Variants in DYNC1I1 observed in about 807,000 individuals in gnomAD.
DYNC1I1 encodes the protein dynein cytoplasmic 1 intermediate chain 1.
A neutral mutation model predicts 86.6 loss-of-function variants in DYNC1I1; 43 were observed. The ratio of observed to expected loss-of-function variants is 0.50; its 90% CI spans 0.39 to 0.64. The LOEUF is 0.64. Ranked by LOEUF, DYNC1I1 falls within the 30% of genes least tolerant of loss-of-function variation. The probability of loss-of-function intolerance (pLI) is 0.00; values close to 1 mark genes in which losing one functional copy is unlikely to be tolerated. For synonymous variants in DYNC1I1, 262 were observed against 283.7 expected (o/e 0.92, Z 0.77); for missense variants, 604 against 788.8 (o/e 0.77, Z 2.81).
At chr7:95,899,245 T>C (rs1004672572) in intron 6 of DYNC1I1, among the ~76,000 whole-genome samples, 3 of 152,194 alleles carry the variant, frequency 2.0e-5, no homozygotes. Context: ...AGGGACCATG[T>C]TACATCTGGA....
At chr7:95,997,219 A>AT (rs1029539893) in intron 10 of DYNC1I1, among the ~76,000 whole-genome samples, 2 of 151,064 alleles carry the variant, frequency 1.3e-5, no homozygotes, top group South Asian at 2.1e-4. Context: ...TTTTTCTTTT[A>AT]TTTTTTTTAA....
chr7:95,900,173 C>T (rs1312395807), intron 6 of DYNC1I1, among the ~76,000 whole-genome samples: 1 of 152,160 alleles, frequency 6.6e-6, no homozygotes, highest in African/African-American at 2.4e-5. Context: ...TTCAACACTG[C>T]TCCATAGCCT....
At chr7:95,870,980 G>A (rs1436781387) in intron 6 of DYNC1I1, among the ~76,000 whole-genome samples, 4 of 152,102 alleles carry the variant, frequency 2.6e-5, no homozygotes, top group Non-Finnish European at 5.9e-5. Context: ...TTGCTATGTA[G>A]TAAGTATGGA....
intron 6 of DYNC1I1, among the ~76,000 whole-genome samples, chr7:95,907,796 G>GAA (rs1336703317): frequency 4.4e-4 from 65 of 148,158 alleles, no homozygotes; most frequent in Non-Finnish European, 5.0e-4. Flanking sequence ...TTTGGTCTCA[G>GAA]AATATATATA....
At chr7:96,019,454 A>G (rs1794486494) in intron 10 of DYNC1I1, among the ~76,000 whole-genome samples, 1 of 151,994 alleles carries the variant, frequency 6.6e-6, no homozygotes, top group Admixed American at 6.6e-5. Context: ...GCAAAATACT[A>G]ATGCCCCAGT....
intron 6 of DYNC1I1, among the ~76,000 whole-genome samples, chr7:95,936,954 T>C (rs1396766618): frequency 6.2e-5 from 2 of 32,504 alleles, no homozygotes; most frequent in Non-Finnish European, 1.6e-4. Context: ...AAAGAATATG[T>C]CTCACACACA....
At chr7:95,986,841 G>T (rs1169380638) in intron 8 of DYNC1I1, among the ~76,000 whole-genome samples, 1 of 151,906 alleles carries the variant, frequency 6.6e-6, no homozygotes, top group Non-Finnish European at 1.5e-5. Flanking sequence ...AACAGTCTTG[G>T]AACGACATGG....
chr7:96,008,115 A>G (rs1364748073), intron 10 of DYNC1I1, among the ~76,000 whole-genome samples: 1 of 152,218 alleles, frequency 6.6e-6, no homozygotes, highest in African/African-American at 2.4e-5. Flanking sequence ...TATTCTTAAC[A>G]TATGTTTAAT....
chr7:95,923,549 A>G (rs2116385346), intron 6 of DYNC1I1, among the ~76,000 whole-genome samples: 1 of 152,240 alleles, frequency 6.6e-6, no homozygotes, highest in East Asian at 1.9e-4. Context: ...AATGTAAGGT[A>G]CTATCCACAC....
chr7:95,862,019 C>T (rs1789895443), intron 5 of DYNC1I1, among the ~76,000 whole-genome samples: 1 of 152,094 alleles, frequency 6.6e-6, no homozygotes, highest in African/African-American at 2.4e-5. Context: ...AAGTTGGACC[C>T]CTACCTCACA....
chr7:95,926,083 A>C (rs990985619), intron 6 of DYNC1I1, among the ~76,000 whole-genome samples: 10 of 152,182 alleles, frequency 6.6e-5, no homozygotes, highest in Admixed American at 2.0e-4. Context: ...GGAGTTAAAA[A>C]TCATCTTCAT....
At chr7:95,876,560 T>C (rs190677403) in intron 6 of DYNC1I1, among the ~76,000 whole-genome samples, 1 of 152,260 alleles carries the variant, frequency 6.6e-6, no homozygotes. Context: ...CTAGGTACAC[T>C]AGGGTGAATA....
chr7:96,031,178 T>C (rs892859335), intron 11 of DYNC1I1, among the ~76,000 whole-genome samples: 2 of 152,162 alleles, frequency 1.3e-5, no homozygotes, highest in Non-Finnish European at 2.9e-5. Flanking sequence ...GGTCAGAATA[T>C]AGGTAGACAG....
At chr7:95,962,828 G>GTA (rs1792907264) in intron 6 of DYNC1I1, among the ~76,000 whole-genome samples, 1 of 152,118 alleles carries the variant, frequency 6.6e-6, no homozygotes, top group Non-Finnish European at 1.5e-5. Flanking sequence ...TACAAAATGT[G>GTA]TGATGGGAAA....
chr7:96,033,747 C>T (rs577597539), intron 12 of DYNC1I1, among the ~76,000 whole-genome samples: 33 of 152,256 alleles, frequency 2.2e-4, no homozygotes, highest in African/African-American at 7.7e-4. Flanking sequence ...CGGTGGCTCA[C>T]ACTTGTAATC....
chr7:96,083,782 A>T (rs1288332956), intron 16 of DYNC1I1, among the ~76,000 whole-genome samples: 2 of 152,182 alleles, frequency 1.3e-5, no homozygotes, highest in South Asian at 4.1e-4. Context: ...ACCACTACCA[A>T]TATTCAAAAT....
Position 95,907,534 on chromosome 7 carries a change from G to A in DYNC1I1, c.490+37536G>A, listed in dbSNP as rs560073481. Among the ~76,000 whole-genome samples the A allele has an allele frequency of 3.9e-5, 6 of 152,184 alleles. No individual in the cohort carries two copies. In the South Asian group the frequency reaches 1.2e-3, roughly 32 times the overall value. The stretch of plus-strand genomic sequence containing the variant: ...TCACATTCCTGTCCCTGTGCCTGTG[G>A]TCTTGCTCTTCCCTACTCTTCCAGT... On this transcript the variant is annotated intron_variant, in intron 6 of 16. Coordinates refer to ENST00000447467, the MANE Select transcript of DYNC1I1 (RefSeq NM_001135556.2).
chr7:95,874,088 G>A (rs6977925), intron 6 of DYNC1I1, among the ~76,000 whole-genome samples: 7,329 of 152,230 alleles, frequency 0.048, 355 homozygotes, highest in East Asian at 0.21. Flanking sequence ...CCTCATCCTA[G>A]TGTCTTTAAA....
chr7:95,804,600 C>T (rs1386573184), intron 1 of DYNC1I1, 121 bp from the exon 2 acceptor site: 1 of 1,124,648 alleles, frequency 8.9e-7, no homozygotes, highest in Non-Finnish European at 1.2e-6. Flanking sequence ...AATAATACAA[C>T]CTCTTGTTGA....
Sources: gnomAD v4.1 joint callset for allele counts (sites outside exome capture counted in the v4.1 genomes callset) on GRCh38, gnomAD v4.1.1 for gene constraint, MANE v1.5 for transcripts, NCBI Gene and HGNC (gene_info 2026-07-23, HGNC 2026-07-21) for gene names.